The following RBFOX1 variants were observed in gnomAD, a reference collection of about 807,000 sequenced individuals.
The protein encoded by RBFOX1 is RNA binding fox-1 homolog 1.
A neutral mutation model predicts 57.7 loss-of-function variants in RBFOX1; 8 were observed. The observed-to-expected ratio is 0.14, with a 90% CI of 0.08 to 0.25. The LOEUF (loss-of-function observed/expected upper bound fraction) is 0.25. RBFOX1 is among the 10% of genes least tolerant of loss of function. The pLI is 1.00. For synonymous variants in RBFOX1, 326 were observed against 222.4 expected (o/e 1.47, Z -4.15); for missense variants, 611 against 548.5 (o/e 1.11, Z -1.14).
intron 1 of RBFOX1, among the ~76,000 whole-genome samples, chr16:6,207,371 C>G (rs1349036964): frequency 3.3e-5 from 5 of 152,174 alleles, no homozygotes. Context: ...TTGCTGCACT[C>G]ATTTATCTCT....
intron 2 of RBFOX1, among the ~76,000 whole-genome samples, chr16:5,597,490 C>T (rs977090766): frequency 2.0e-5 from 3 of 150,734 alleles, no homozygotes; most frequent in Non-Finnish European, 4.4e-5. Flanking sequence ...ACCTGTACCT[C>T]CCAGGTTCAA....
chr16:6,921,648 T>A (rs1375468791), intron 3 of RBFOX1, among the ~76,000 whole-genome samples: 4 of 145,656 alleles, frequency 2.7e-5, no homozygotes, highest in East Asian at 2.0e-4. Flanking sequence ...TATATATATT[T>A]TTTTTTTTCT....
intron 3 of RBFOX1, among the ~76,000 whole-genome samples, chr16:7,017,470 C>CAAA (rs751240978): frequency 4.9e-4 from 74 of 152,258 alleles, no homozygotes; most frequent in Non-Finnish European, 9.3e-4. Context: ...CTGACGCGCG[C>CAAA]ACACATGCTT....
At chr16:7,396,119 C>T (rs906785757) in intron 4 of RBFOX1, among the ~76,000 whole-genome samples, 1 of 152,058 alleles carries the variant, frequency 6.6e-6, no homozygotes, top group Non-Finnish European at 1.5e-5. Flanking sequence ...GGATTGAGGG[C>T]TGTTCTTTTG....
At chr16:6,499,492 A>G (rs975195098) in intron 2 of RBFOX1, among the ~76,000 whole-genome samples, 67 of 152,322 alleles carry the variant, frequency 4.4e-4, no homozygotes, top group African/African-American at 1.5e-3. Context: ...TAGATTTGTA[A>G]TAAGCACAAG....
chr16:7,618,886 C>A (rs142410093), intron 10 of RBFOX1, among the ~76,000 whole-genome samples: 1 of 152,042 alleles, frequency 6.6e-6, no homozygotes, highest in Non-Finnish European at 1.5e-5. Context: ...ACATTACAGT[C>A]GACATATTGG....
intron 4 of RBFOX1, among the ~76,000 whole-genome samples, chr16:5,939,248 A>G (rs1567169400): frequency 6.6e-6 from 1 of 152,242 alleles, no homozygotes; most frequent in African/African-American, 2.4e-5. Context: ...ATAAAAAGTT[A>G]ATCATATTAG....
chr16:6,566,926 A>G (rs180705448), intron 2 of RBFOX1, among the ~76,000 whole-genome samples: 4 of 152,348 alleles, frequency 2.6e-5, no homozygotes, highest in Non-Finnish European at 4.4e-5. Flanking sequence ...TAGACCACAA[A>G]AAATTGACAT....
intron 4 of RBFOX1, among the ~76,000 whole-genome samples, chr16:7,282,850 A>T (rs932170379): frequency 2.6e-5 from 4 of 152,094 alleles, no homozygotes; most frequent in African/African-American, 9.7e-5. Context: ...TCCATTCCTG[A>T]GTTACTTCAC....
chr16:7,465,000 GTC>G (rs2150695276), intron 4 of RBFOX1, among the ~76,000 whole-genome samples: 1 of 151,886 alleles, frequency 6.6e-6, no homozygotes, highest in South Asian at 2.1e-4. Context: ...CCCAGCTATT[GTC>G]TCTCTTCTAT....
chr16:5,521,297 C>T (rs1416945405), intron 2 of RBFOX1, among the ~76,000 whole-genome samples: 10 of 138,454 alleles, frequency 7.2e-5, no homozygotes, highest in Non-Finnish European at 1.5e-5. Context: ...CTCAAGTTTG[C>T]ACAACTGCTG....
intron 3 of RBFOX1, among the ~76,000 whole-genome samples, chr16:6,937,367 T>A (rs546781525): frequency 1.2e-4 from 18 of 152,152 alleles, no homozygotes; most frequent in Non-Finnish European, 2.1e-4. Context: ...TACTTTTCTT[T>A]GTTGGTATTT....
intron 3 of RBFOX1, among the ~76,000 whole-genome samples, chr16:6,787,519 A>G (rs936539217): frequency 1.3e-5 from 2 of 152,172 alleles, no homozygotes; most frequent in Non-Finnish European, 2.9e-5. Flanking sequence ...ATGCTGGGCA[A>G]TAGAAATTGG....
In RBFOX1 at chr16:7,534,086, C is replaced by CTTTT. The variant is rs529708813; in HGVS notation, c.270+15710_270+15713dup. On this transcript the variant is annotated intron_variant, in intron 5 of 15. Transcript: ENST00000550418. ...TGTCAAAGGTCCCAACGTTTTTTTT[C>CTTTT]TTTTTTTTTTTTTTTTGGACATGCA... Among the ~76,000 whole-genome samples, 63 of 129,898 alleles carry CTTTT rather than the reference C, an allele frequency of 4.8e-4. 2 individuals carry two copies. Among genetic ancestry groups the CTTTT allele is most frequent in the South Asian group, 2.5e-3 (10 of 3,964 alleles). The allele number at this position is 129,898 out of a possible 152,430, so 85.2% of individuals were successfully genotyped here.
At chr16:6,293,926 G>A (rs979331741) in intron 1 of RBFOX1, among the ~76,000 whole-genome samples, 1 of 133,164 alleles carries the variant, frequency 7.5e-6, no homozygotes, top group African/African-American at 2.8e-5. Context: ...CGAATTGCAG[G>A]AATTTTTACT....
chr16:5,584,102 C>A (rs1037960062), intron 2 of RBFOX1, among the ~76,000 whole-genome samples: 2 of 152,216 alleles, frequency 1.3e-5, no homozygotes, highest in African/African-American at 4.8e-5. Flanking sequence ...GACAACTCCT[C>A]TCTCAGGAGC....
At chr16:5,705,144 C>T (rs1276008858) in intron 3 of RBFOX1, among the ~76,000 whole-genome samples, 1 of 152,198 alleles carries the variant, frequency 6.6e-6, no homozygotes, top group African/African-American at 2.4e-5. Flanking sequence ...CATTTGGTTC[C>T]TGCAACCTTT....
chr16:7,455,749 T>G (rs532334450), intron 4 of RBFOX1, among the ~76,000 whole-genome samples: 137 of 138,422 alleles, frequency 9.9e-4, no homozygotes, highest in African/African-American at 3.7e-3. Flanking sequence ...ATTGTGCCAT[T>G]GCACTCCAGC....
intron 11 of RBFOX1, among the ~76,000 whole-genome samples, chr16:7,639,597 C>G (rs1031215249): frequency 6.6e-6 from 1 of 152,074 alleles, no homozygotes; most frequent in Non-Finnish European, 1.5e-5. Flanking sequence ...ACATAACAGA[C>G]AAATATATAT....
Sources: gnomAD v4.1 joint callset for allele counts (sites outside exome capture counted in the v4.1 genomes callset) on GRCh38, gnomAD v4.1.1 for gene constraint, MANE v1.5 for transcripts, NCBI Gene and HGNC (gene_info 2026-07-23, HGNC 2026-07-21) for gene names.